MAMDC2: variants seen among roughly 807,000 people sequenced by gnomAD.
MAMDC2 encodes the protein MAM domain containing 2, also known as MAM domain-containing protein 2.
In MAMDC2, 57 loss-of-function variants were observed where a neutral mutation model predicts 89.8. The ratio of observed to expected loss-of-function variants is 0.63; its 90% CI spans 0.51 to 0.79. MAMDC2 has a LOEUF of 0.79. MAMDC2 is among the 30% of genes least tolerant of loss of function. The pLI, the probability that MAMDC2 is intolerant of heterozygous loss-of-function variation, is 0.00. For missense variants in MAMDC2, 800 were observed against 820.6 expected (o/e 0.97, Z 0.31); for synonymous variants, 313 against 293.4 (o/e 1.07, Z -0.68).
At chr9:70,132,722 C>T (rs1346300970) in intron 7 of MAMDC2, among the ~76,000 whole-genome samples, 1 of 151,950 alleles carries the variant, frequency 6.6e-6, no homozygotes, top group Non-Finnish European at 1.5e-5. Context: ...TGAGGTCTCA[C>T]TATGTTGTCC....
Position 70,191,511 on chromosome 9 carries a change from A to G in MAMDC2, c.1651+20880A>G, listed in dbSNP as rs377748701. Among the ~76,000 whole-genome samples the G allele has an allele frequency of 1.8e-3, 271 of 150,310 alleles. 1 individual carries two copies. The highest frequency in any genetic ancestry group is 6.2e-3 in the African/African-American group (258 of 41,292). ...CCATCCCCTCTGGTCCTGTTTCTTGATAATATCAGGTGAATTTGACTGAAT... is the reference window on the plus strand; with the variant it reads ...CCATCCCCTCTGGTCCTGTTTCTTGGTAATATCAGGTGAATTTGACTGAAT... On this transcript the variant is annotated intron_variant, in intron 11 of 13. Transcript: ENST00000377182.
chr9:70,050,740 T>A (rs184466493), intron 2 of MAMDC2, among the ~76,000 whole-genome samples: 99 of 152,140 alleles, frequency 6.5e-4, no homozygotes, highest in African/African-American at 2.3e-3. Context: ...CTAAGGAGAG[T>A]GTGGTTTTCT....
intron 11 of MAMDC2, among the ~76,000 whole-genome samples, chr9:70,205,814 T>A (rs1449896865): frequency 6.6e-6 from 1 of 152,174 alleles, no homozygotes; most frequent in African/African-American, 2.4e-5. Flanking sequence ...GCTTCCTGGC[T>A]CCCATCCAGA....
In MAMDC2 at chr9:70,099,980, A is replaced by AAGAGAGAGAGAGAG. The variant is rs60292765; in HGVS notation, c.149-8200_149-8187dup. 8.4e-3 allele frequency among the ~76,000 whole-genome samples: 971 copies of AAGAGAGAGAGAGAG among 115,582 alleles called. 27 individuals are homozygous for AAGAGAGAGAGAGAG. Among genetic ancestry groups the AAGAGAGAGAGAGAG allele is most frequent in the Non-Finnish European group, 0.011 (645 of 57,606 alleles). 75.8% of individuals were successfully genotyped at this position (115,582 alleles called of 152,430 possible). On this transcript the variant is annotated intron_variant, in intron 2 of 13. Transcript: ENST00000377182. ...ACAGAGCAAGACTCTGCCAAAAAGA[A>AAGAGAGAGAGAGAG]AGAGAGAGAGAGAGAGAGAGAGAGA...
intron 9 of MAMDC2, among the ~76,000 whole-genome samples, chr9:70,167,017 C>G (rs558765169): frequency 1.4e-4 from 21 of 152,174 alleles, no homozygotes; most frequent in African/African-American, 4.6e-4. Flanking sequence ...ATGACACAGA[C>G]CTTTGCTTTA....
intron 11 of MAMDC2, among the ~76,000 whole-genome samples, chr9:70,193,798 T>C (rs2032928649): frequency 6.6e-6 from 1 of 152,114 alleles, no homozygotes; most frequent in South Asian, 2.1e-4. Context: ...ACTCTGGGAC[T>C]TTCTGAAGAT....
intron 12 of MAMDC2, 132 bp downstream of exon 12, chr9:70,218,728 A>G: frequency 9.9e-7 from 1 of 1,010,132 alleles, no homozygotes; most frequent in Non-Finnish European, 1.4e-6. Context: ...ATTAAGAGGG[A>G]GTAAACATAA....
At chr9:70,060,716 C>CAGAGAGAGAGAGAAAGAGAG (rs753662903) in intron 2 of MAMDC2, 3 of 151,630 alleles carry the variant, frequency 2.0e-5, no homozygotes, top group Non-Finnish European at 4.4e-5. Flanking sequence ...CTGTCTGTGT[C>CAGAGAGAGAGAGAAAGAGAG]AGAGAGAGAG....
At chr9:70,085,081 AG>A (rs1243487816) in intron 2 of MAMDC2, among the ~76,000 whole-genome samples, 5 of 152,134 alleles carry the variant, frequency 3.3e-5, no homozygotes, top group African/African-American at 1.2e-4. Flanking sequence ...GTAAACATTA[AG>A]ACATTAAAGC....
chr9:70,062,759 G>A (rs1012541490), intron 2 of MAMDC2: 6 of 152,166 alleles, frequency 3.9e-5, no homozygotes, highest in Non-Finnish European at 2.9e-5. Context: ...TTGAAGAGAA[G>A]GAGCTATTTC....
intron 11 of MAMDC2, chr9:70,188,784 T>TTTTA (rs1554680332): frequency 2.0e-5 from 3 of 149,018 alleles, no homozygotes; most frequent in Admixed American, 6.7e-5. Context: ...TTTTTTTTTT[T>TTTTA]AGAAAGAAGT....
chr9:70,176,467 T>C (rs1310949223), intron 11 of MAMDC2, among the ~76,000 whole-genome samples: 1 of 152,216 alleles, frequency 6.6e-6, no homozygotes, highest in East Asian at 1.9e-4. Context: ...TATGAATATA[T>C]TGTGGAAAAT....
chr9:70,153,198 T>C (rs2031637163), intron 9 of MAMDC2: 1 of 152,242 alleles, frequency 6.6e-6, no homozygotes, highest in Admixed American at 6.5e-5. Flanking sequence ...GGATGAATCA[T>C]GAAATGGTCC....
intron 2 of MAMDC2, among the ~76,000 whole-genome samples, chr9:70,077,612 A>G (rs1464739475): frequency 6.6e-6 from 1 of 152,210 alleles, no homozygotes; most frequent in East Asian, 1.9e-4. Context: ...AGGCATCAGG[A>G]ATTATAATTT....
chr9:70,197,850 G>A (rs907940179), intron 11 of MAMDC2, among the ~76,000 whole-genome samples: 4 of 152,048 alleles, frequency 2.6e-5, no homozygotes, highest in African/African-American at 9.7e-5. Flanking sequence ...ATCAGATGCT[G>A]CTCCTTCTGA....
At chr9:70,065,610 C>A in intron 2 of MAMDC2, among the ~76,000 whole-genome samples, 1 of 150,450 alleles carries the variant, frequency 6.6e-6, no homozygotes, top group African/African-American at 2.4e-5. Context: ...ACATGGAGGC[C>A]CCTGAAAGTT....
At chr9:70,202,694 C>T (rs1193265800) in intron 11 of MAMDC2, among the ~76,000 whole-genome samples, 7 of 148,112 alleles carry the variant, frequency 4.7e-5, no homozygotes, top group African/African-American at 1.8e-4. Context: ...GAGTCTAAGT[C>T]TCTTTGTAGG....
chr9:70,104,313 G>A (rs1587473746), intron 2 of MAMDC2, among the ~76,000 whole-genome samples: 1 of 152,226 alleles, frequency 6.6e-6, no homozygotes, highest in Middle Eastern at 3.4e-3. Flanking sequence ...GTGAGGATGT[G>A]GAGAAATTGG....
intron 8 of MAMDC2, 105 bp from the exon 9 acceptor site, chr9:70,143,449 T>C: frequency 2.4e-6 from 3 of 1,267,138 alleles, no homozygotes; most frequent in Non-Finnish European, 1.1e-6. Flanking sequence ...ATTTAAAGCA[T>C]AGCTGATAGT....
Sources: allele counts gnomAD v4.1 joint callset (sites outside exome capture counted in the v4.1 genomes callset), GRCh38; gene constraint gnomAD v4.1.1; transcripts MANE v1.5; gene names NCBI Gene and HGNC (gene_info 2026-07-23, HGNC 2026-07-21).